CCNI: variants seen among roughly 807,000 people sequenced by gnomAD.
CCNI encodes the protein cyclin-I.
A neutral mutation model predicts 34.1 loss-of-function variants in CCNI; 14 were observed. The observed-to-expected ratio is 0.41, with a 90% CI of 0.27 to 0.64. The LOEUF is 0.64. Ranked by LOEUF, CCNI falls within the 30% of genes least tolerant of loss-of-function variation. The pLI is 0.31. For missense variants in CCNI, 385 were observed against 440.5 expected (o/e 0.87, Z 1.13); for synonymous variants, 154 against 158.4 (o/e 0.97, Z 0.21).
intron 3 of CCNI, among the ~76,000 whole-genome samples, chr4:77,058,070 G>T (rs1478367398): frequency 6.6e-6 from 1 of 152,148 alleles, no homozygotes; most frequent in Non-Finnish European, 1.5e-5. Context: ...AACAATAGTA[G>T]AAAGCCGGGA....
chr4:77,048,670 A>AG lies in CCNI; in HGVS notation c.691-9dup. On this transcript the variant is annotated splice_polypyrimidine_tract_variant and intron_variant, in intron 6 of 6. Transcript: ENST00000237654. The stretch of plus-strand genomic sequence containing the variant: ...CAACTGGGAGCTATCCATCTGGGCC[A>AG]GGAAAAAAAAAAAGCCACACACAGT... 6.7e-7 allele frequency: 1 copy of AG among 1,502,600 alleles called. No individual in the cohort carries two copies. The highest frequency in any genetic ancestry group is 1.4e-5 in the South Asian group (1 of 73,152). 93.1% of individuals were successfully genotyped at this position (1,502,600 alleles called of 1,614,324 possible).
Position 77,075,467 on chromosome 4 carries a change from C to CCGCCCT in CCNI, c.-44+4_-44+5insAGGGCG. 1.1e-6 allele frequency: 1 copy of CCGCCCT among 905,598 alleles called. No individual in the cohort carries two copies. Among genetic ancestry groups the CCGCCCT allele is most frequent in the African/African-American group, 1.8e-5 (1 of 55,160 alleles). The allele number at this position is 905,598 out of a possible 1,614,324, so 56.1% of individuals were successfully genotyped here. On this transcript the variant is annotated splice_donor_region_variant and intron_variant, in intron 1 of 6. Transcript: ENST00000237654. Reference sequence around the variant, plus strand: ...CGAGCCCCCGCCCCCGCCCCCGCCCCTCACCTTCTCCTCCTCTTCCTCCTC... The same window carrying CCGCCCT: ...CGAGCCCCCGCCCCCGCCCCCGCCCCCGCCCTTCACCTTCTCCTCCTCTTCCTCCTC...
intron 2 of CCNI, among the ~76,000 whole-genome samples, chr4:77,063,996 C>G (rs1728823458): frequency 6.6e-6 from 1 of 152,154 alleles, no homozygotes. Flanking sequence ...AATCCCAGCA[C>G]TTTGGGTTGC....
At chr4:77,074,340 T>C (rs1729731735) in intron 1 of CCNI, among the ~76,000 whole-genome samples, 1 of 152,220 alleles carries the variant, frequency 6.6e-6, no homozygotes, top group Non-Finnish European at 1.5e-5. Context: ...TGGTCCCAGA[T>C]TAGCCAATCT....
intron 2 of CCNI, among the ~76,000 whole-genome samples, chr4:77,060,299 A>C (rs1386096630): frequency 6.6e-6 from 1 of 152,238 alleles, no homozygotes; most frequent in African/African-American, 2.4e-5. Context: ...TATGGAATGC[A>C]AACGTACTCA....
chr4:77,047,982 T>C lies in CCNI; in HGVS notation c.*237A>G, dbSNP rs1041772322. On this transcript the variant is annotated 3_prime_UTR_variant, in exon 7 of 7. Transcript: ENST00000237654. Reference sequence around the variant, plus strand: ...ACATACTACAAAGAGATTTTTTAAGTTTAAAAAAAGTTTGGATCTTTTGGA... The same window carrying C: ...ACATACTACAAAGAGATTTTTTAAGCTTAAAAAAAGTTTGGATCTTTTGGA... 5 of 375,508 alleles carry C rather than the reference T, an allele frequency of 1.3e-5. No homozygotes were observed. The Admixed American group carries it at 1.7e-4, about 12-fold the overall frequency. The allele number at this position is 375,508 out of a possible 1,614,324, so 23.3% of individuals were successfully genotyped here. A position where few individuals can be genotyped will look rare whatever the true frequency, so the allele number is the denominator to read the frequency against.
intron 6 of CCNI, 71 bp from the exon 7 acceptor site, chr4:77,048,733 G>A (rs993301275): frequency 8.5e-5 from 104 of 1,225,976 alleles, no homozygotes; most frequent in Middle Eastern, 2.0e-4. Context: ...GTTATCTCTG[G>A]TGGCCATTTT....
In CCNI at chr4:77,055,392, A is replaced by T; in HGVS notation, c.460-12T>A. 1 of 1,529,442 alleles carries T rather than the reference A, an allele frequency of 6.5e-7. No homozygotes were observed. The highest frequency in any genetic ancestry group is 9.1e-7 in the Non-Finnish European group (1 of 1,104,106). The allele number at this position is 1,529,442 out of a possible 1,614,324, so 94.7% of individuals were successfully genotyped here. A position where few individuals can be genotyped will look rare whatever the true frequency, so the allele number is the denominator to read the frequency against. On this transcript the variant is annotated splice_polypyrimidine_tract_variant and intron_variant, in intron 5 of 6. Coordinates refer to ENST00000237654, the MANE Select transcript of CCNI (RefSeq NM_006835.3). ...GCAATGGCATGGAACTGAAAATCAC[A>T]AGAACATCATTTTAACTTTATTTAA...
At chr4:77,052,041 G>A (rs536484675) in intron 6 of CCNI, among the ~76,000 whole-genome samples, 216 of 151,750 alleles carry the variant, frequency 1.4e-3, no homozygotes, top group Non-Finnish European at 2.7e-3. Context: ...ATGATGCTGA[G>A]GTTTGGAGTA....
At chr4:77,061,543 G>C (rs1019236197) in intron 2 of CCNI, among the ~76,000 whole-genome samples, 1 of 152,058 alleles carries the variant, frequency 6.6e-6, no homozygotes, top group African/African-American at 2.4e-5. Context: ...CATGCTGCTA[G>C]TCTTCTCCTT....
chr4:77,052,829 G>A (rs183838049), intron 6 of CCNI, among the ~76,000 whole-genome samples: 2 of 152,206 alleles, frequency 1.3e-5, no homozygotes, highest in African/African-American at 4.8e-5. Context: ...AAACAGAAAT[G>A]AGTCCTAAAG....
chr4:77,058,689 G>C, intron 2 of CCNI, 54 bp from the exon 3 acceptor site: 1 of 1,516,164 alleles, frequency 6.6e-7, no homozygotes, highest in Non-Finnish European at 9.0e-7. Context: ...ATCATCAAGA[G>C]TATGTTTAGA....
chr4:77,071,221 T>C (rs1262538187), intron 1 of CCNI, among the ~76,000 whole-genome samples: 2 of 152,258 alleles, frequency 1.3e-5, no homozygotes, highest in Non-Finnish European at 2.9e-5. Flanking sequence ...AGTATGACTT[T>C]CAAATATTTA....
In CCNI at chr4:77,066,268, C is replaced by T. The variant is rs779499819; in HGVS notation, c.95G>A (p.Arg32Gln). 14 of 1,613,870 alleles carry T rather than the reference C, an allele frequency of 8.7e-6. No homozygotes were observed. Among genetic ancestry groups the T allele is most frequent in the East Asian group, 2.2e-5 (1 of 44,862 alleles). Residue 32 changes from arginine to glutamine, a missense_variant, in exon 2 of 7, where the codon CGG becomes CAG. By Grantham distance (43) the Arg-to-Gln change is conservative (BLOSUM62 1). Around this residue, in one of 2 missense-constraint regions of CCNI, gnomAD observed 135 missense variants for 191.8 expected, o/e 0.70. Transcript: ENST00000237654. Reference sequence around the variant, plus strand: ...CATTACCTGATTTGAAGGCATTTTCCGCACATTCACTTTCCACATCTGTGC... The same window carrying T: ...CATTACCTGATTTGAAGGCATTTTCTGCACATTCACTTTCCACATCTGTGC... ...REAQMWKVNVRKMPSNQNVSP... is the reference protein window; with the variant it reads ...REAQMWKVNVQKMPSNQNVSP...
chr4:77,059,836 T>G (rs1728483734), intron 2 of CCNI, among the ~76,000 whole-genome samples: 1 of 152,180 alleles, frequency 6.6e-6, no homozygotes, highest in South Asian at 2.1e-4. Context: ...GATGAAGAGT[T>G]AAGCATTCAA....
At chr4:77,055,011 AAT>A in intron 6 of CCNI, 137 bp downstream of exon 6, 2 of 574,312 alleles carry the variant, frequency 3.5e-6, no homozygotes. Flanking sequence ...GTAAATTTAA[AAT>A]ATATACTTTA....
At chr4:77,050,321 A>G (rs1005322630) in intron 6 of CCNI, among the ~76,000 whole-genome samples, 19 of 152,180 alleles carry the variant, frequency 1.2e-4, no homozygotes, top group African/African-American at 4.1e-4. Flanking sequence ...TTATCCTCAT[A>G]TAACCTGCAG....
At chr4:77,061,487 A>G (rs1025582349) in intron 2 of CCNI, among the ~76,000 whole-genome samples, 1 of 152,202 alleles carries the variant, frequency 6.6e-6, no homozygotes, top group Non-Finnish European at 1.5e-5. Context: ...ACATGGTAAA[A>G]TATAGACTGC....
chr4:77,061,921 G>A (rs4252849), intron 2 of CCNI, among the ~76,000 whole-genome samples: 5,675 of 152,066 alleles, frequency 0.037, 367 homozygotes, highest in African/African-American at 0.13. Flanking sequence ...CACCCGCCTC[G>A]GCCTCCCAAA....
Sources: gnomAD v4.1 joint callset for allele counts (sites outside exome capture counted in the v4.1 genomes callset) on GRCh38, gnomAD v4.1.1 for gene constraint, gnomAD v4.1.1 regional missense constraint, MANE v1.5 for transcripts, NCBI Gene and HGNC (gene_info 2026-07-23, HGNC 2026-07-21) for gene names.